FSTL5: variants seen among roughly 807,000 people sequenced by gnomAD.
FSTL5 encodes follistatin like 5.
Under a neutral mutation model 89.1 loss-of-function variants are expected in FSTL5, and 62 were observed. The observed-to-expected ratio is 0.70, with a 90% CI of 0.57 to 0.86. FSTL5 has a LOEUF of 0.86. Among genes scored for constraint, FSTL5 ranks in the 40% least tolerant of loss-of-function variants. The pLI is 0.00. For missense variants in FSTL5, 1,057 were observed against 1,001.6 expected (o/e 1.06, Z -0.75); for synonymous variants, 383 against 346.2 (o/e 1.11, Z -1.18).
At chr4:161,658,477 A>T (rs1736596633) in intron 6 of FSTL5, among the ~76,000 whole-genome samples, 1 of 151,806 alleles carries the variant, frequency 6.6e-6, no homozygotes. Context: ...AAAAATAGGG[A>T]ATATTTTCGG....
chr4:161,607,087 CAGTT>C (rs1216550924), intron 7 of FSTL5, among the ~76,000 whole-genome samples: 26 of 152,082 alleles, frequency 1.7e-4, no homozygotes, highest in South Asian at 2.1e-4. Context: ...TACATACTGA[CAGTT>C]GGTTTCACAA....
chr4:162,090,366 T>G (rs530150182), intron 2 of FSTL5, among the ~76,000 whole-genome samples: 153 of 152,188 alleles, frequency 1.0e-3, no homozygotes, highest in African/African-American at 3.3e-3. Context: ...TTCTGATACA[T>G]AGCATCTATA....
chr4:161,728,668 A>C (rs960434195), intron 6 of FSTL5, among the ~76,000 whole-genome samples: 6 of 152,164 alleles, frequency 3.9e-5, no homozygotes, highest in African/African-American at 1.4e-4. Flanking sequence ...TATACCAGGC[A>C]AAAGTTATTT....
At chr4:161,876,346 T>C (rs761289289) in intron 4 of FSTL5, among the ~76,000 whole-genome samples, 11 of 152,210 alleles carry the variant, frequency 7.2e-5, no homozygotes, top group Non-Finnish European at 1.3e-4. Context: ...TTAAATTATG[T>C]TTTATCAATG....
rs561811808 is a variant in FSTL5 at position 161,942,966 on chromosome 4, A to G, written c.161-22314T>C. 3.3e-5 allele frequency among the ~76,000 whole-genome samples: 5 copies of G among 152,328 alleles called. No individual in the cohort carries two copies. In the South Asian group the frequency reaches 6.2e-4, roughly 19 times the overall value. On this transcript the variant is annotated intron_variant, in intron 3 of 15. Coordinates refer to ENST00000306100, the MANE Select transcript of FSTL5 (RefSeq NM_020116.5). Reference sequence around the variant, plus strand: ...AAAATCAATTAGTGTTAATAAGCCAATTCGGCAAAGCTGCAGAACACATTA... The same window carrying G: ...AAAATCAATTAGTGTTAATAAGCCAGTTCGGCAAAGCTGCAGAACACATTA...
intron 1 of FSTL5, among the ~76,000 whole-genome samples, chr4:162,126,538 C>A (rs184474910): frequency 1.3e-5 from 2 of 151,968 alleles, no homozygotes; most frequent in African/African-American, 4.8e-5. Flanking sequence ...ATGAAATTTC[C>A]AGTAGTATTT....
At chr4:161,512,564 T>G (rs1730685613) in intron 10 of FSTL5, among the ~76,000 whole-genome samples, 1 of 151,860 alleles carries the variant, frequency 6.6e-6, no homozygotes. Context: ...AATTTCCAGA[T>G]AGAAAAAAAG....
chr4:161,962,170 A>G (rs1360932334), intron 3 of FSTL5, among the ~76,000 whole-genome samples: 1 of 151,994 alleles, frequency 6.6e-6, no homozygotes, highest in African/African-American at 2.4e-5. Context: ...CTCTATTATC[A>G]CATTTAATAA....
chr4:161,736,518 C>T (rs1739823324), intron 6 of FSTL5, among the ~76,000 whole-genome samples: 1 of 152,070 alleles, frequency 6.6e-6, no homozygotes. Flanking sequence ...TTGTAAATGA[C>T]ATTTTAGTAT....
chr4:161,524,375 AC>A (rs2126520418), intron 10 of FSTL5, among the ~76,000 whole-genome samples: 1 of 151,960 alleles, frequency 6.6e-6, no homozygotes, highest in South Asian at 2.1e-4. Flanking sequence ...CTATATCCTG[AC>A]CACCCGGGGC....
chr4:162,058,875 A>G (rs1446416706), intron 2 of FSTL5, among the ~76,000 whole-genome samples: 2 of 152,184 alleles, frequency 1.3e-5, no homozygotes, highest in Non-Finnish European at 2.9e-5. Flanking sequence ...TAGGAAAAAA[A>G]TTAATGAACT....
At chr4:161,653,004 T>C (rs377026151) in intron 7 of FSTL5, among the ~76,000 whole-genome samples, 9 of 152,160 alleles carry the variant, frequency 5.9e-5, no homozygotes, top group African/African-American at 2.2e-4. Flanking sequence ...CAGAAATCCA[T>C]ATCTAACAAT....
rs1363424223 is a variant in FSTL5, at chr4:161,620,204, G to C, written c.895-32629C>G. On this transcript the variant is annotated intron_variant, in intron 7 of 15. Transcript: ENST00000306100. ...GGGACTGTTGTGGGGTGGGGGGAGG[G>C]GGGAGGGATAGCTTTAGGAGATATA... Among the ~76,000 whole-genome samples the C allele has an allele frequency of 2.7e-5, 3 of 109,894 alleles. No individual in the cohort carries two copies. In the East Asian group the frequency reaches 9.6e-4, roughly 35 times the overall value. 72.1% of individuals were successfully genotyped at this position (109,894 alleles called of 152,430 possible).
intron 6 of FSTL5, among the ~76,000 whole-genome samples, chr4:161,683,225 C>G (rs1278419214): frequency 6.6e-6 from 1 of 151,644 alleles, no homozygotes; most frequent in Non-Finnish European, 1.5e-5. Context: ...AATGTCACCA[C>G]AAACACATGA....
At chr4:161,745,074 A>T (rs999515984) in intron 6 of FSTL5, among the ~76,000 whole-genome samples, 76 of 152,154 alleles carry the variant, frequency 5.0e-4, no homozygotes, top group African/African-American at 1.6e-3. Flanking sequence ...ATAAATAAAA[A>T]AAATAAAACA....
chr4:161,400,177 C>A (rs1313578997), intron 15 of FSTL5, among the ~76,000 whole-genome samples: 1 of 151,892 alleles, frequency 6.6e-6, no homozygotes, highest in Non-Finnish European at 1.5e-5. Context: ...AATCAGTGAA[C>A]CTGTGGAGTT....
chr4:161,615,070 G>A (rs920775080), intron 7 of FSTL5, among the ~76,000 whole-genome samples: 5 of 151,916 alleles, frequency 3.3e-5, no homozygotes, highest in Middle Eastern at 3.4e-3. Context: ...CAAAGCAGGC[G>A]CATCACAAGG....
chr4:161,947,890 A>G (rs1259175085), intron 3 of FSTL5, among the ~76,000 whole-genome samples: 2 of 151,700 alleles, frequency 1.3e-5, no homozygotes, highest in African/African-American at 4.9e-5. Flanking sequence ...GGCTTTCCAT[A>G]GAGAGACCTT....
chr4:161,721,472 C>T (rs182966347), intron 6 of FSTL5, among the ~76,000 whole-genome samples: 192 of 152,082 alleles, frequency 1.3e-3, no homozygotes, highest in African/African-American at 3.0e-3. Context: ...CACGTATATA[C>T]TTATCTCCAA....
Sources: allele counts gnomAD v4.1 joint callset (sites outside exome capture counted in the v4.1 genomes callset), GRCh38; gene constraint gnomAD v4.1.1; transcripts MANE v1.5; gene names NCBI Gene and HGNC (gene_info 2026-07-23, HGNC 2026-07-21).